Variants in KPNA6 observed in about 807,000 individuals in gnomAD.
The protein encoded by KPNA6 is importin subunit alpha-7.
In KPNA6, 9 loss-of-function variants were observed where a neutral mutation model predicts 72.0. The ratio of observed to expected loss-of-function variants is 0.13; its 90% confidence interval spans 0.08 to 0.22. The LOEUF (loss-of-function observed/expected upper bound fraction) is 0.22. KPNA6 is among the 10% of genes least tolerant of loss of function. The probability of loss-of-function intolerance (pLI) is 1.00; values close to 1 mark genes in which losing one functional copy is unlikely to be tolerated. For synonymous variants in KPNA6, 219 were observed against 242.1 expected, an observed-to-expected ratio of 0.90 and a Z score of 0.89; for missense variants, 374 against 655.7, an observed-to-expected ratio of 0.57 and a Z score of 4.69.
At chr1:32,165,489 G>C (rs1299657925) in intron 10 of KPNA6, among the ~76,000 whole-genome samples, 1 of 151,470 alleles carries the variant, frequency 6.6e-6, no homozygotes, top group African/African-American at 2.4e-5. Context: ...AGAAGTTTGA[G>C]ACCAGCCCTG....
intron 10 of KPNA6, 149 bp from the exon 11 acceptor site, chr1:32,165,956 C>G: frequency 2.6e-6 from 2 of 760,156 alleles, no homozygotes; most frequent in Non-Finnish European, 3.9e-6. Flanking sequence ...CGAGATTGTG[C>G]CATTGCACTC....
At chr1:32,122,093 G>A (rs546624846) in intron 1 of KPNA6, among the ~76,000 whole-genome samples, 14 of 152,032 alleles carry the variant, frequency 9.2e-5, no homozygotes, top group African/African-American at 3.4e-4. Context: ...GGCCAACATG[G>A]TGAAACCCCG....
At chr1:32,147,729 G>A (rs190574897) in intron 1 of KPNA6, among the ~76,000 whole-genome samples, 10 of 132,678 alleles carry the variant, frequency 7.5e-5, no homozygotes, top group Admixed American at 7.2e-4. Flanking sequence ...GTACAACCAC[G>A]GCTCACTGCA....
chr1:32,112,637 TG>T (rs1641260851), intron 1 of KPNA6, among the ~76,000 whole-genome samples: 1 of 151,966 alleles, frequency 6.6e-6, no homozygotes, highest in African/African-American at 2.4e-5. Flanking sequence ...GGATTACAGG[TG>T]CCCACCACCA....
In KPNA6 at chr1:32,172,507, T is replaced by C. The variant is rs917999624; in HGVS notation, c.*1613T>C. 1 of 152,066 alleles carries C rather than the reference T, an allele frequency of 6.6e-6. No homozygotes were observed. Among genetic ancestry groups the C allele is most frequent in the Non-Finnish European group, 1.5e-5 (1 of 68,010 alleles). 9.4% of individuals were successfully genotyped at this position (152,066 alleles called of 1,614,324 possible). A position where few individuals can be genotyped will look rare whatever the true frequency, so the allele number is the denominator to read the frequency against. On this transcript the variant is annotated 3_prime_UTR_variant, in exon 14 of 14. Transcript: ENST00000373625. ...ACTTAGTAGCCTGCTTTTTTTTTTT[T>C]TTTTTTTAGAGCTATTGCGTATCTT...
At chr1:32,119,273 C>T (rs1022074972) in intron 1 of KPNA6, among the ~76,000 whole-genome samples, 10 of 151,554 alleles carry the variant, frequency 6.6e-5, no homozygotes, top group African/African-American at 1.9e-4. Context: ...TCAGGTTATC[C>T]GCCTGCCTCG....
chr1:32,142,211 G>A (rs1045048887), intron 1 of KPNA6, among the ~76,000 whole-genome samples: 5 of 136,440 alleles, frequency 3.7e-5, no homozygotes, highest in Non-Finnish European at 7.6e-5. Flanking sequence ...AGCTGAGATT[G>A]TGTCCCTGCA....
intron 1 of KPNA6, chr1:32,143,064 T>A (rs911117978): frequency 8.8e-7 from 1 of 1,132,014 alleles, no homozygotes; most frequent in African/African-American, 1.6e-5. Flanking sequence ...CCTTCAGAAA[T>A]CTGTTGTCTA....
rs538073457 is a variant in KPNA6, at chr1:32,161,630, T to G, written c.648-317T>G. Among the ~76,000 whole-genome samples the G allele has an allele frequency of 9.2e-5, 14 of 152,344 alleles. No individual in the cohort carries two copies. The East Asian group carries it at 1.7e-3, about 19-fold the overall frequency. ...TTTTATTTCCAGAGAACACCATTCC[T>G]TGTCCTGGACTTGTGGCCAGGGTTA... is the stretch of plus-strand genomic sequence containing the variant. On this transcript the variant is annotated intron_variant, in intron 7 of 13. Coordinates refer to ENST00000373625, the MANE Select transcript of KPNA6 (RefSeq NM_012316.5).
chr1:32,114,451 A>ATATATATATAT (rs1553125090), intron 1 of KPNA6, among the ~76,000 whole-genome samples: 8 of 145,562 alleles, frequency 5.5e-5, no homozygotes, highest in African/African-American at 1.8e-4. Context: ...CAAAAAAAAA[A>ATATATATATAT]ATATATATAT....
At chr1:32,147,885 C>A (rs1261617927) in intron 1 of KPNA6, among the ~76,000 whole-genome samples, 3 of 151,970 alleles carry the variant, frequency 2.0e-5, no homozygotes, top group African/African-American at 7.2e-5. Context: ...TTCTTGAACT[C>A]TTGGTCTCCA....
chr1:32,128,424 T>TATAC (rs1259187537), intron 1 of KPNA6, among the ~76,000 whole-genome samples: 2 of 113,248 alleles, frequency 1.8e-5, no homozygotes, highest in Admixed American at 9.2e-5. Flanking sequence ...TATATATATA[T>TATAC]ATACACACAC....
At chr1:32,164,142 G>T (rs1642290062) in intron 10 of KPNA6, among the ~76,000 whole-genome samples, 1 of 152,162 alleles carries the variant, frequency 6.6e-6, no homozygotes, top group South Asian at 2.1e-4. Flanking sequence ...CCTCATGTAA[G>T]TGGAATCATA....
At chr1:32,151,708 A>C (rs1284769022) in intron 1 of KPNA6, among the ~76,000 whole-genome samples, 1 of 152,188 alleles carries the variant, frequency 6.6e-6, no homozygotes, top group Non-Finnish European at 1.5e-5. Context: ...GGAGAATCAC[A>C]ATTCTGCATT....
intron 1 of KPNA6, among the ~76,000 whole-genome samples, chr1:32,117,150 G>A (rs1365668597): frequency 1.3e-5 from 2 of 151,554 alleles, no homozygotes; most frequent in African/African-American, 4.8e-5. Context: ...ACATAGGATT[G>A]CCACAAACCT....
intron 1 of KPNA6, among the ~76,000 whole-genome samples, chr1:32,144,430 A>T (rs1557472036): frequency 6.6e-6 from 1 of 152,226 alleles, no homozygotes; most frequent in Admixed American, 6.5e-5. Context: ...CACTCTGCAA[A>T]GCAAAACTGA....
chr1:32,131,733 C>G (rs1471534500), intron 1 of KPNA6, among the ~76,000 whole-genome samples: 1 of 149,362 alleles, frequency 6.7e-6, no homozygotes, highest in African/African-American at 2.5e-5. Flanking sequence ...AAATTTAAAA[C>G]TTTTGGCCAG....
chr1:32,143,674 C>A (rs550993468), intron 1 of KPNA6, among the ~76,000 whole-genome samples: 2 of 151,420 alleles, frequency 1.3e-5, no homozygotes, highest in Admixed American at 1.3e-4. Context: ...ATTACAGTTA[C>A]AATGTTATGT....
At chr1:32,147,191 C>G (rs1641943778) in intron 1 of KPNA6, among the ~76,000 whole-genome samples, 1 of 152,134 alleles carries the variant, frequency 6.6e-6, no homozygotes, top group Admixed American at 6.6e-5. Flanking sequence ...TCAGCTTTTG[C>G]TTATAGGGAA....
Sources: gnomAD v4.1 joint callset for allele counts (sites outside exome capture counted in the v4.1 genomes callset) on GRCh38, gnomAD v4.1.1 for gene constraint, MANE v1.5 for transcripts, NCBI Gene and HGNC (gene_info 2026-07-23, HGNC 2026-07-21) for gene names.